Variants in FGD4 observed in about 807,000 individuals in gnomAD.
The protein encoded by FGD4 is FYVE, RhoGEF and PH domain-containing protein 4.
FGD4 carries 42 observed loss-of-function variants against 102.0 expected under a neutral mutation model. The ratio of observed to expected loss-of-function variants is 0.41; its 90% CI spans 0.32 to 0.53. The LOEUF (loss-of-function observed/expected upper bound fraction) is 0.53, where lower values mean the gene tolerates loss of function less well. Ranked by LOEUF, FGD4 falls within the 20% of genes least tolerant of loss-of-function variation. FGD4 has a pLI of 0.21. For missense variants in FGD4, 902 were observed against 1,078.2 expected (o/e 0.84, Z 2.29); for synonymous variants, 380 against 375.7 (o/e 1.01, Z -0.13).
intron 1 of FGD4, among the ~76,000 whole-genome samples, chr12:32,475,415 A>G (rs925821398): frequency 2.0e-5 from 3 of 152,212 alleles, no homozygotes; most frequent in South Asian, 4.1e-4. Flanking sequence ...ATGCCTTTGT[A>G]TCAGACTGTC....
chr12:32,507,660 A>C (rs1938919649), intron 1 of FGD4, among the ~76,000 whole-genome samples: 1 of 152,206 alleles, frequency 6.6e-6, no homozygotes, highest in Non-Finnish European at 1.5e-5. Flanking sequence ...CCAGTGGTTA[A>C]GAGCAGCAGT....
At chr12:32,633,270 G>A (rs1950597622) in intron 14 of FGD4, among the ~76,000 whole-genome samples, 1 of 152,068 alleles carries the variant, frequency 6.6e-6, no homozygotes, top group African/African-American at 2.4e-5. Flanking sequence ...TGAGCAGTTT[G>A]GAAAGGATGT....
chr12:32,643,908 T>G lies in FGD4; in HGVS notation c.*3375T>G, dbSNP rs1258315103. 6.6e-6 allele frequency: 1 copy of G among 152,162 alleles called. No homozygotes were observed. The highest frequency in any genetic ancestry group is 1.5e-5 in the Non-Finnish European group (1 of 67,972). 9.4% of individuals were successfully genotyped at this position (152,162 alleles called of 1,614,324 possible). On this transcript the variant is annotated 3_prime_UTR_variant, in exon 17 of 17. Coordinates refer to ENST00000534526, the MANE Select transcript of FGD4 (RefSeq NM_001370298.3). Reference sequence around the variant, plus strand: ...CCTTAAGTTCTTAATCTGAGCATATTGTCTGTGATAAATTTCTGATGATCT... The same window carrying G: ...CCTTAAGTTCTTAATCTGAGCATATGGTCTGTGATAAATTTCTGATGATCT...
At chr12:32,612,170 C>T (rs904871491) in intron 10 of FGD4, among the ~76,000 whole-genome samples, 3 of 152,252 alleles carry the variant, frequency 2.0e-5, no homozygotes, top group African/African-American at 7.2e-5. Flanking sequence ...TGCATGTTCC[C>T]CAGTGCCAGC....
rs944631403 is a variant in FGD4, at chr12:32,493,729, T to A, written c.167-70408T>A. On this transcript the variant is annotated intron_variant, in intron 1 of 16. Coordinates refer to ENST00000534526, the MANE Select transcript of FGD4 (RefSeq NM_001370298.3). ...AACAAGACAAAGCCCCCTGTCCTTATGGATTTTACCTTTTAAGGTAGGAGC... is the reference window on the plus strand; with the variant it reads ...AACAAGACAAAGCCCCCTGTCCTTAAGGATTTTACCTTTTAAGGTAGGAGC... 9.9e-5 allele frequency among the ~76,000 whole-genome samples: 15 copies of A among 152,240 alleles called. 1 individual carries two copies. The highest frequency in any genetic ancestry group is 2.2e-4 in the Non-Finnish European group (15 of 68,050).
chr12:32,576,817 C>T (rs890420105), intron 3 of FGD4, among the ~76,000 whole-genome samples: 1 of 152,062 alleles, frequency 6.6e-6, no homozygotes, highest in African/African-American at 2.4e-5. Context: ...TGAGCGGATG[C>T]CTCTGTCTCT....
intron 1 of FGD4, among the ~76,000 whole-genome samples, chr12:32,460,484 G>A (rs879464427): frequency 6.7e-6 from 1 of 148,680 alleles, no homozygotes; most frequent in African/African-American, 2.5e-5. Flanking sequence ...CAGCCTGGGC[G>A]ACAGTGAGAC....
chr12:32,488,228 T>C (rs1384638364), intron 1 of FGD4, among the ~76,000 whole-genome samples: 1 of 151,986 alleles, frequency 6.6e-6, no homozygotes, highest in East Asian at 1.9e-4. Context: ...CATTGTGACA[T>C]TGTAAAAAGT....
chr12:32,574,339 T>C (rs569465466), intron 2 of FGD4, among the ~76,000 whole-genome samples: 1,813 of 152,148 alleles, frequency 0.012, 38 homozygotes, highest in African/African-American at 0.042. Flanking sequence ...GTGTTTTTTT[T>C]TTTTTTTTGG....
chr12:32,427,230 C>T (rs1279118569), intron 1 of FGD4, among the ~76,000 whole-genome samples: 1 of 152,294 alleles, frequency 6.6e-6, no homozygotes, highest in East Asian at 1.9e-4. Context: ...CTAAACACTG[C>T]TTTAGCTGCA....
chr12:32,481,679 G>C (rs1943770135), intron 1 of FGD4, among the ~76,000 whole-genome samples: 1 of 152,034 alleles, frequency 6.6e-6, no homozygotes, highest in Admixed American at 6.6e-5. Flanking sequence ...AAGTTAGCTG[G>C]GTGTGGTGGT....
At chr12:32,602,448 T>G (rs1486630537) in intron 7 of FGD4, 131 bp downstream of exon 7, 2 of 1,015,662 alleles carry the variant, frequency 2.0e-6, no homozygotes, top group East Asian at 2.5e-5. Flanking sequence ...CTCCAAATTA[T>G]GCAGATCATC....
In FGD4 at chr12:32,592,579, C is replaced by G. The variant is rs557546275; in HGVS notation, c.1012-5918C>G. 6.6e-5 allele frequency among the ~76,000 whole-genome samples: 10 copies of G among 152,056 alleles called. No homozygotes were observed. In the South Asian group the frequency reaches 2.1e-3, roughly 32 times the overall value. ...CCCAATGTTAAGAAACAGTATTTAC[C>G]TATTTAGCTTTCCTGTTTAAAAAAA... On this transcript the variant is annotated intron_variant, in intron 4 of 16. Coordinates refer to ENST00000534526, the MANE Select transcript of FGD4 (RefSeq NM_001370298.3).
intron 3 of FGD4, among the ~76,000 whole-genome samples, chr12:32,578,183 G>C (rs1946285174): frequency 6.6e-6 from 1 of 152,114 alleles, no homozygotes; most frequent in Admixed American, 6.6e-5. Context: ...ATTGGGTATA[G>C]TGTGTTTTGG....
At chr12:32,522,367 C>G (rs913906206) in intron 1 of FGD4, among the ~76,000 whole-genome samples, 1 of 152,072 alleles carries the variant, frequency 6.6e-6, no homozygotes, top group Non-Finnish European at 1.5e-5. Flanking sequence ...TAAGAATATT[C>G]GGGCCAACAC....
chr12:32,491,679 T>C (rs1944097896), intron 1 of FGD4, among the ~76,000 whole-genome samples: 1 of 152,244 alleles, frequency 6.6e-6, no homozygotes, highest in South Asian at 2.1e-4. Context: ...ATATACGTCA[T>C]ATACATCATT....
chr12:32,548,926 C>G (rs529549564), intron 1 of FGD4, among the ~76,000 whole-genome samples: 202 of 152,320 alleles, frequency 1.3e-3, no homozygotes, highest in African/African-American at 4.6e-3. Context: ...AAGTCAAAAG[C>G]ACGTGCCAGT....
chr12:32,439,762 CT>C (rs766901278), intron 1 of FGD4, among the ~76,000 whole-genome samples: 17 of 152,158 alleles, frequency 1.1e-4, no homozygotes, highest in Non-Finnish European at 5.9e-5. Flanking sequence ...AAACTTTCTG[CT>C]CCTATCGCTC....
chr12:32,465,859 A>G (rs894721789), intron 1 of FGD4, among the ~76,000 whole-genome samples: 10 of 152,092 alleles, frequency 6.6e-5, no homozygotes, highest in South Asian at 2.1e-4. Flanking sequence ...GGTCACTGCA[A>G]CGTTAGCTTC....
Sources: gnomAD v4.1 joint callset for allele counts (sites outside exome capture counted in the v4.1 genomes callset) on GRCh38, gnomAD v4.1.1 for gene constraint, MANE v1.5 for transcripts, NCBI Gene and HGNC (gene_info 2026-07-23, HGNC 2026-07-21) for gene names.